Variants in BAHCC1 observed in about 807,000 individuals in gnomAD.
BAHCC1 encodes the protein BAH and coiled-coil domain-containing protein 1.
In BAHCC1, 43 loss-of-function variants were observed where a neutral mutation model predicts 88.2. The observed-to-expected ratio is 0.49, with a 90% CI of 0.38 to 0.63. The LOEUF is 0.63. BAHCC1 is among the 20% of genes least tolerant of loss of function. The pLI is 0.00. For missense variants in BAHCC1, 3,023 were observed against 1,654.8 expected, an observed-to-expected ratio of 1.83 and a Z score of -14.34; for synonymous variants, 1,510 against 745.5, an observed-to-expected ratio of 2.03 and a Z score of -16.71.
chr17:81,452,713 C>T lies in BAHCC1; in HGVS notation c.4317-10C>T, dbSNP rs368104723. On this transcript the variant is annotated splice_polypyrimidine_tract_variant and intron_variant, in intron 13 of 27. Transcript: ENST00000675386. ...CATGAGCCTCTGACCATCCCCCCTG[C>T]GGCCCCCAGGAGAGACGAGAGTTCA... 3.8e-5 allele frequency: 28 copies of T among 743,094 alleles called. No individual in the cohort carries two copies. The highest frequency in any genetic ancestry group is 1.5e-4 in the Admixed American group (8 of 52,664). 46.0% of individuals were successfully genotyped at this position (743,094 alleles called of 1,614,324 possible). A position where few individuals can be genotyped will look rare whatever the true frequency, so the allele number is the denominator to read the frequency against.
Position 81,444,406 on chromosome 17 carries a change from GC to G in BAHCC1, c.2353del (p.Arg785GlyfsTer17). 1 of 748,242 alleles carries G rather than the reference GC, an allele frequency of 1.3e-6. No individual in the cohort carries two copies. Among genetic ancestry groups the G allele is most frequent in the Non-Finnish European group, 2.5e-6 (1 of 403,738 alleles). The allele number at this position is 748,242 out of a possible 1,614,324, so 46.4% of individuals were successfully genotyped here. A position where few individuals can be genotyped will look rare whatever the true frequency, so the allele number is the denominator to read the frequency against. On this transcript the variant is annotated frameshift_variant, in exon 7 of 28. Coordinates refer to ENST00000675386, the MANE Select transcript of BAHCC1 (RefSeq NM_001377448.1). LOFTEE classifies it high-confidence loss of function. ...LQDSKDRVEF[A>X]RIHPPSSCPG... ...GGACAGCAAAGACCGCGTAGAGTTC[GC>G]CCGGATCCACCCACCGAGCAGCTGC...
chr17:81,458,544 G>A (rs918844434), intron 18 of BAHCC1, 77 bp from the exon 19 acceptor site: 3 of 456,424 alleles, frequency 6.6e-6, no homozygotes, highest in Non-Finnish European at 1.2e-5. Flanking sequence ...TCCCCCGCAC[G>A]CTGGCCCCTG....
rs1568001599 is a variant in BAHCC1, at chr17:81,416,537, G to GCA, written c.179-10263_179-10262insCA. On this transcript the variant is annotated intron_variant, in intron 2 of 27. Coordinates refer to ENST00000675386, the MANE Select transcript of BAHCC1 (RefSeq NM_001377448.1). Reference sequence around the variant, plus strand: ...TGTGTCCATGAGGATGGGTGTGTGCGTGTTTGTGTGTACATGAGGATGGGT... The same window carrying GCA: ...TGTGTCCATGAGGATGGGTGTGTGCGCATGTTTGTGTGTACATGAGGATGGGT... Among the ~76,000 whole-genome samples, 4 of 4,930 alleles carry GCA rather than the reference G, an allele frequency of 8.1e-4. No homozygotes were observed. The East Asian group carries it at 0.016, about 20-fold the overall frequency. The allele number at this position is 4,930 out of a possible 152,430, so 3.2% of individuals were successfully genotyped here. A position where few individuals can be genotyped will look rare whatever the true frequency, so the allele number is the denominator to read the frequency against.
chr17:81,438,468 C>T lies in BAHCC1; in HGVS notation c.457C>T (p.His153Tyr), dbSNP rs1555652055. The stretch of plus-strand genomic sequence containing the variant: ...AAACAGCAACGTTCTCTATGGGCAG[C>T]ACCGTTTCTATGGAACCCAAAAAGG... The part of the protein sequence containing the change: ...HGNSNVLYGQ[H>Y]RFYGTQKDNF... The change falls in exon 4 of 28, where the codon CAC (histidine) becomes TAC (tyrosine). Residue 153 changes from histidine (H) to tyrosine (Y), a missense_variant. Transcript: ENST00000675386. 1 of 773,694 alleles carries T rather than the reference C, an allele frequency of 1.3e-6. No homozygotes were observed. The highest frequency in any genetic ancestry group is 2.4e-6 in the Non-Finnish European group (1 of 415,214). The allele number at this position is 773,694 out of a possible 1,614,324, so 47.9% of individuals were successfully genotyped here. A position where few individuals can be genotyped will look rare whatever the true frequency, so the allele number is the denominator to read the frequency against.
Position 81,440,852 on chromosome 17 carries a change from C to T in BAHCC1, c.482-979C>T, listed in dbSNP as rs549705377. On this transcript the variant is annotated intron_variant, in intron 4 of 27. Coordinates refer to ENST00000675386, the MANE Select transcript of BAHCC1 (RefSeq NM_001377448.1). ...AACATATTACCCTAGCCCCAGCAGC[C>T]TGAGACACCCAGATGAGAGGCCGAG... Among the ~76,000 whole-genome samples, 4 of 152,330 alleles carry T rather than the reference C, an allele frequency of 2.6e-5. No homozygotes were observed. In the East Asian group the frequency reaches 7.7e-4, roughly 29 times the overall value.
intron 4 of BAHCC1, among the ~76,000 whole-genome samples, chr17:81,441,314 A>C (rs901364963): frequency 6.6e-6 from 1 of 152,210 alleles, no homozygotes; most frequent in Non-Finnish European, 1.5e-5. Context: ...TGAACTGTGC[A>C]CCAAAAATGG....
rs144574909 is a variant in BAHCC1, at chr17:81,457,406, C to T, written c.4859-4C>T. 2.6e-6 allele frequency: 2 copies of T among 766,330 alleles called. No individual in the cohort carries two copies. The highest frequency in any genetic ancestry group is 4.9e-6 in the Non-Finnish European group (2 of 412,032). 47.5% of individuals were successfully genotyped at this position (766,330 alleles called of 1,614,324 possible). On this transcript the variant is annotated splice_polypyrimidine_tract_variant and splice_region_variant and intron_variant, in intron 16 of 27. Transcript: ENST00000675386. ...TCATCAGGACCCCTCTGCCTCTCTCCCAGGCAGTGGCTATGACAGTGAGGA... is the reference window on the plus strand; with the variant it reads ...TCATCAGGACCCCTCTGCCTCTCTCTCAGGCAGTGGCTATGACAGTGAGGA...
chr17:81,431,946 G>T (rs1220535930), intron 3 of BAHCC1, among the ~76,000 whole-genome samples: 1 of 152,198 alleles, frequency 6.6e-6, no homozygotes, highest in African/African-American at 2.4e-5. Flanking sequence ...CCCAGGCACC[G>T]CAGGACAGGG....
chr17:81,397,584 G>C (rs1555645122), intron 1 of BAHCC1, among the ~76,000 whole-genome samples: 3 of 151,964 alleles, frequency 2.0e-5, no homozygotes, highest in Non-Finnish European at 4.4e-5. Context: ...GGCGCCCTCC[G>C]GGGCTCGGGA....
intron 27 of BAHCC1, among the ~76,000 whole-genome samples, chr17:81,463,344 A>G (rs1219092668): frequency 6.6e-6 from 1 of 152,128 alleles, no homozygotes; most frequent in African/African-American, 2.4e-5. Context: ...CATTTTCCAG[A>G]CCATATGACA....
At chr17:81,405,219 C>T (rs1223958243) in intron 2 of BAHCC1, among the ~76,000 whole-genome samples, 1 of 152,102 alleles carries the variant, frequency 6.6e-6, no homozygotes, top group Admixed American at 6.5e-5. Context: ...AGGCATGTAC[C>T]ACCACGCCCT....
At chr17:81,458,020 A>G in intron 17 of BAHCC1, 145 bp from the exon 18 acceptor site, 1 of 524,938 alleles carries the variant, frequency 1.9e-6, no homozygotes, top group Non-Finnish European at 3.3e-6. Flanking sequence ...CTGGGTAACC[A>G]GGAGGGGGAG....
intron 2 of BAHCC1, among the ~76,000 whole-genome samples, chr17:81,419,982 G>A (rs781798635): frequency 3.9e-5 from 6 of 152,132 alleles, no homozygotes; most frequent in Non-Finnish European, 5.9e-5. Context: ...AGCAGGGTCA[G>A]CCTGGCAGGA....
Position 81,442,550 on chromosome 17 carries a change from C to G in BAHCC1, c.1201C>G (p.Leu401Val), listed in dbSNP as rs550902726. 4.0e-6 allele frequency: 3 copies of G among 742,302 alleles called. No homozygotes were observed. Among genetic ancestry groups the G allele is most frequent in the Non-Finnish European group, 7.5e-6 (3 of 398,470 alleles). 46.0% of individuals were successfully genotyped at this position (742,302 alleles called of 1,614,324 possible). The change falls in exon 5 of 28, where the codon CTG becomes GTG. Residue 401 changes from leucine to valine, a missense_variant. Coordinates refer to ENST00000675386, the MANE Select transcript of BAHCC1 (RefSeq NM_001377448.1). ...CACCTTCGTGCCTTCTGTGGGACAC[C>G]TGGCCGACAAGGGCCGCCCCTTCCA... Reference protein sequence around the residue: ...GPTFVPSVGHLADKGRPFQAA... With the variant: ...GPTFVPSVGHVADKGRPFQAA...
At position 81,459,249 on chromosome 17, in the gene BAHCC1, C is replaced by A; in HGVS notation, c.5721-4C>A. The stretch of plus-strand genomic sequence containing the variant: ...TGGCACCTCACATTCCCCAATGCCC[C>A]CAGCTATAGCATCGTCATCGAGGGC... On this transcript the variant is annotated splice_polypyrimidine_tract_variant and splice_region_variant and intron_variant, in intron 21 of 27. Coordinates refer to ENST00000675386, the MANE Select transcript of BAHCC1 (RefSeq NM_001377448.1). The A allele has an allele frequency of 1.3e-6, 1 of 778,916 alleles. No individual in the cohort carries two copies. The highest frequency in any genetic ancestry group is 2.4e-6 in the Non-Finnish European group (1 of 417,492). The allele number at this position is 778,916 out of a possible 1,614,324, so 48.3% of individuals were successfully genotyped here.
In BAHCC1 at chr17:81,459,260, A is replaced by G. The variant is rs2030027683; in HGVS notation, c.5728A>G (p.Ile1910Val). Residue 1910 changes from isoleucine (I) to valine (V), a missense_variant, in exon 22 of 28, where the codon ATC (isoleucine) becomes GTC (valine). Ile to Val is a conservative substitution (Grantham distance 29, BLOSUM62 3). Coordinates refer to ENST00000675386, the MANE Select transcript of BAHCC1 (RefSeq NM_001377448.1). ...RTLQPPDIYS[I>V]VIEGERGNRQ... ...ATTCCCCAATGCCCCCAGCTATAGCATCGTCATCGAGGGCGAGAGGGGCAA... is the reference window on the plus strand; with the variant it reads ...ATTCCCCAATGCCCCCAGCTATAGCGTCGTCATCGAGGGCGAGAGGGGCAA... 1.3e-6 allele frequency: 1 copy of G among 779,308 alleles called. No individual in the cohort carries two copies. The highest frequency in any genetic ancestry group is 2.4e-6 in the Non-Finnish European group (1 of 417,666). 48.3% of individuals were successfully genotyped at this position (779,308 alleles called of 1,614,324 possible).
In BAHCC1 at chr17:81,456,572, G is replaced by T; in HGVS notation, c.4845G>T (p.Ala1615=). 1.4e-6 allele frequency: 1 copy of T among 703,912 alleles called. No individual in the cohort carries two copies. Among genetic ancestry groups the T allele is most frequent in the East Asian group, 2.7e-5 (1 of 37,050 alleles). 43.6% of individuals were successfully genotyped at this position (703,912 alleles called of 1,614,324 possible). ...GCCCAGCCCAGCCCTCCGTGGCTGC[G>T]TCCCAGGAGGCAGGCAAGTTGCTGG... ...PRCPAQPSVA[A]SQEAGSGYDS... Residue 1615 remains alanine (A), a synonymous_variant, in exon 16 of 28, where the codon GCG becomes GCT. Transcript: ENST00000675386.
rs374874874 is a variant in BAHCC1, at chr17:81,445,632, G to C, written c.3114G>C (p.Lys1038Asn). Residue 1038 changes from lysine to asparagine, a missense_variant, in exon 10 of 28, where the codon AAG (lysine) becomes AAC (asparagine). Coordinates refer to ENST00000675386, the MANE Select transcript of BAHCC1 (RefSeq NM_001377448.1). ...PGSRVRSAEE[K>N]NGEGQQSTAD... ...CCCGGGTGCGCAGCGCCGAGGAAAA[G>C]AATGGGGAGGGTCAGCAGTCCACGG... 6 of 734,270 alleles carry C rather than the reference G, an allele frequency of 8.2e-6. No homozygotes were observed. The highest frequency in any genetic ancestry group is 1.5e-5 in the Non-Finnish European group (6 of 395,430). The allele number at this position is 734,270 out of a possible 1,614,324, so 45.5% of individuals were successfully genotyped here. A position where few individuals can be genotyped will look rare whatever the true frequency, so the allele number is the denominator to read the frequency against.
chr17:81,443,852 TGAG>T lies in BAHCC1; in HGVS notation c.2266_2268del (p.Glu756del), dbSNP rs1555653503. 1.4e-6 allele frequency: 1 copy of T among 714,250 alleles called. No homozygotes were observed. The allele number at this position is 714,250 out of a possible 1,614,324, so 44.2% of individuals were successfully genotyped here. ...CCACACACGCGCTGGACCTGGAGGCTGAGGAGGAGAGGACGAGGCTATGTGATG... is the reference window on the plus strand; with the variant it reads ...CCACACACGCGCTGGACCTGGAGGCTGAGGAGAGGACGAGGCTATGTGATG... On this transcript the variant is annotated inframe_deletion, in exon 6 of 28. Coordinates refer to ENST00000675386, the MANE Select transcript of BAHCC1 (RefSeq NM_001377448.1).
Sources: allele counts gnomAD v4.1 joint callset (sites outside exome capture counted in the v4.1 genomes callset), GRCh38; gene constraint gnomAD v4.1.1; transcripts MANE v1.5; gene names NCBI Gene and HGNC (gene_info 2026-07-23, HGNC 2026-07-21).